METTL2B: variants seen among roughly 807,000 people sequenced by gnomAD.
The protein encoded by METTL2B is methyltransferase 2B, tRNA N3-cytidine.
Under a neutral mutation model 51.0 loss-of-function variants are expected in METTL2B, and 28 were observed. The ratio of observed to expected loss-of-function variants is 0.55; its 90% CI spans 0.41 to 0.75. The LOEUF is 0.75. Among genes scored for constraint, METTL2B ranks in the 30% least tolerant of loss-of-function variants. The probability of loss-of-function intolerance (pLI) is 0.00; values close to 1 mark genes in which losing one functional copy is unlikely to be tolerated. For synonymous variants in METTL2B, 128 were observed against 166.3 expected, an observed-to-expected ratio of 0.77 and a Z score of 1.77; for missense variants, 313 against 460.7, an observed-to-expected ratio of 0.68 and a Z score of 2.93.
chr7:128,489,863 C>G (rs1479035065), intron 5 of METTL2B, among the ~76,000 whole-genome samples: 1 of 151,742 alleles, frequency 6.6e-6, no homozygotes, highest in Admixed American at 6.6e-5. Flanking sequence ...CTCCTGACCT[C>G]GTGATCCGCC....
In METTL2B at chr7:128,479,402, A is replaced by G. The variant is rs370330757; in HGVS notation, c.447A>G (p.Glu149=). 25 of 1,614,250 alleles carry G rather than the reference A, an allele frequency of 1.5e-5. No homozygotes were observed. In the African/African-American group the frequency reaches 2.9e-4, roughly 19 times the overall value. The change falls in exon 3 of 9, where the codon GAA becomes GAG. Residue 149 remains glutamate, a synonymous_variant. Coordinates refer to ENST00000262432, the MANE Select transcript of METTL2B (RefSeq NM_018396.3). Reference sequence around the variant, plus strand: ...ACAAGTGTTCTTCGAAGAGCCTTGAACATAAAACACAGACACCTCCTGTGG... The same window carrying G: ...ACAAGTGTTCTTCGAAGAGCCTTGAGCATAAAACACAGACACCTCCTGTGG... ...EQHKCSSKSL[E]HKTQTPPVEE...
rs1422612111 is a variant in METTL2B at position 128,504,141 on chromosome 7, C to A, written c.*2225C>A. ...AATATATTACCAAATATATCCATCA[C>A]AAGTAGGAATACATGGAAACATTAA... On this transcript the variant is annotated 3_prime_UTR_variant, in exon 9 of 9. Coordinates refer to ENST00000262432, the MANE Select transcript of METTL2B (RefSeq NM_018396.3). The A allele has an allele frequency of 6.6e-6, 1 of 152,098 alleles. No homozygotes were observed. The highest frequency in any genetic ancestry group is 2.4e-5 in the African/African-American group (1 of 41,412). The allele number at this position is 152,098 out of a possible 1,614,324, so 9.4% of individuals were successfully genotyped here.
chr7:128,480,660 T>C lies in METTL2B; in HGVS notation c.572T>C (p.Val191Ala), dbSNP rs761751374. ...TYRILEVGCG[V>A]GNTVFPILQT... ...TTCTGTCTGCAGGTTGGCTGTGGTG[T>C]GGGAAACACAGTCTTTCCAATTTTA... is the stretch of plus-strand genomic sequence containing the variant. Residue 191 changes from valine (V) to alanine (A), a missense_variant, in exon 4 of 9, where the codon GTG becomes GCG. By Grantham distance (64) the Val-to-Ala change is moderately conservative. This residue lies in a region of METTL2B where 42 missense variants were observed against 113.4 expected (regional missense o/e 0.37). Transcript: ENST00000262432. 1.2e-6 allele frequency: 2 copies of C among 1,604,686 alleles called. No individual in the cohort carries two copies. Among genetic ancestry groups the C allele is most frequent in the East Asian group, 4.5e-5 (2 of 44,854 alleles).
intron 4 of METTL2B, among the ~76,000 whole-genome samples, chr7:128,486,128 T>C (rs1563028178): frequency 6.6e-6 from 1 of 151,932 alleles, no homozygotes; most frequent in Non-Finnish European, 1.5e-5. Context: ...ACCCCATCTT[T>C]ACTAAAAATA....
chr7:128,489,629 CT>C (rs71160655), intron 5 of METTL2B, among the ~76,000 whole-genome samples: 15 of 111,068 alleles, frequency 1.4e-4, no homozygotes, highest in East Asian at 2.8e-4. Flanking sequence ...CTGGCAATTT[CT>C]TTTTTTTTTT....
Position 128,482,866 on chromosome 7 carries a change from A to G in METTL2B, c.608+2170A>G, listed in dbSNP as rs187478225. 5.3e-3 allele frequency among the ~76,000 whole-genome samples: 807 copies of G among 152,320 alleles called. 3 individuals are homozygous for G. Among genetic ancestry groups the G allele is most frequent in the Non-Finnish European group, 7.1e-3 (486 of 68,032 alleles). On this transcript the variant is annotated intron_variant, in intron 4 of 8. Coordinates refer to ENST00000262432, the MANE Select transcript of METTL2B (RefSeq NM_018396.3). ...TGTTTTTAAACCCCTTGTGGAAATG[A>G]CATTCCAGTTCTGTATTCATTACTG...
At chr7:128,481,612 G>A (rs1326809535) in intron 4 of METTL2B, among the ~76,000 whole-genome samples, 1 of 152,192 alleles carries the variant, frequency 6.6e-6, no homozygotes, top group Non-Finnish European at 1.5e-5. Context: ...CCTAGCACAC[G>A]GATGTGTTCA....
intron 5 of METTL2B, among the ~76,000 whole-genome samples, chr7:128,493,088 C>T (rs1030545841): frequency 5.3e-5 from 8 of 152,126 alleles, no homozygotes; most frequent in Non-Finnish European, 1.0e-4. Flanking sequence ...ATTTTAAACG[C>T]AACTATTAGA....
intron 6 of METTL2B, among the ~76,000 whole-genome samples, chr7:128,497,524 C>T (rs1033135551): frequency 6.6e-6 from 1 of 152,148 alleles, no homozygotes; most frequent in African/African-American, 2.4e-5. Flanking sequence ...ACTCTGCCGC[C>T]CAGGCCGGAG....
At chr7:128,481,237 A>G (rs999483766) in intron 4 of METTL2B, among the ~76,000 whole-genome samples, 4 of 152,226 alleles carry the variant, frequency 2.6e-5, no homozygotes, top group Non-Finnish European at 4.4e-5. Context: ...GGTTTTTGCC[A>G]ACACTGACCA....
Position 128,501,972 on chromosome 7 carries a change from A to G in METTL2B, c.*56A>G. On this transcript the variant is annotated 3_prime_UTR_variant, in exon 9 of 9. Coordinates refer to ENST00000262432, the MANE Select transcript of METTL2B (RefSeq NM_018396.3). ...CGTTGTGTTTCCGAGCTTTTTTAAAAAAAAATTTGTAGCACCGGGCATGGT... is the reference window on the plus strand; with the variant it reads ...CGTTGTGTTTCCGAGCTTTTTTAAAGAAAAATTTGTAGCACCGGGCATGGT... The G allele has an allele frequency of 6.2e-7, 1 of 1,604,096 alleles. No individual in the cohort carries two copies.
intron 4 of METTL2B, chr7:128,484,232 T>TTTTTTGTTTTTTTTTTTTTGTTTTTTG (rs71160654): frequency 1.2e-5 from 1 of 83,558 alleles, no homozygotes; most frequent in African/African-American, 5.0e-5. Context: ...TTTTTTTTTT[T>TTTTTTGTTTTTTTTTTTTTGTTTTTTG]TTTTTTTTTT....
intron 7 of METTL2B, among the ~76,000 whole-genome samples, chr7:128,499,035 T>C (rs1292394518): frequency 2.0e-5 from 3 of 151,182 alleles, no homozygotes; most frequent in Non-Finnish European, 2.9e-5. Context: ...ACATAAATAA[T>C]TTTAAATGTG....
Position 128,488,167 on chromosome 7 carries a change from T to C in METTL2B, c.669+6T>C. 6.2e-7 allele frequency: 1 copy of C among 1,613,264 alleles called. No individual in the cohort carries two copies. The highest frequency in any genetic ancestry group is 8.5e-7 in the Non-Finnish European group (1 of 1,179,694). ...CAGCTATAGAACTGGTCCAGGTGAG[T>C]ACGATGGGAAATTACCTATTGGTAA... On this transcript the variant is annotated splice_donor_region_variant and intron_variant, in intron 5 of 8. Coordinates refer to ENST00000262432, the MANE Select transcript of METTL2B (RefSeq NM_018396.3).
intron 4 of METTL2B, among the ~76,000 whole-genome samples, chr7:128,482,741 C>T (rs1023145103): frequency 2.0e-5 from 3 of 152,270 alleles, no homozygotes; most frequent in African/African-American, 7.2e-5. Context: ...GCCGTGTCGG[C>T]TAGGCTGGTC....
At position 128,502,027 on chromosome 7, in the gene METTL2B, G is replaced by T; in HGVS notation, c.*111G>T. 17 of 1,496,068 alleles carry T rather than the reference G, an allele frequency of 1.1e-5. 1 individual carries two copies. In the South Asian group the frequency reaches 2.3e-4, roughly 20 times the overall value. 92.7% of individuals were successfully genotyped at this position (1,496,068 alleles called of 1,614,324 possible). ...GCCTGTAATCCCAGCCACTCAGGAG[G>T]CTGAGGCAGGGAGGATCCATTGAGC... On this transcript the variant is annotated 3_prime_UTR_variant, in exon 9 of 9. Transcript: ENST00000262432.
chr7:128,501,112 C>T (rs1294396368), intron 8 of METTL2B, 144 bp downstream of exon 8: 5 of 1,519,560 alleles, frequency 3.3e-6, no homozygotes. Context: ...CCCTCTTCCA[C>T]CCTGGGCTAG....
chr7:128,500,421 G>T (rs1178354024), intron 7 of METTL2B, among the ~76,000 whole-genome samples: 1 of 152,152 alleles, frequency 6.6e-6, no homozygotes, highest in Admixed American at 6.5e-5. Flanking sequence ...AGGAGTTTGA[G>T]ACCAGCCTAG....
intron 7 of METTL2B, among the ~76,000 whole-genome samples, chr7:128,499,045 G>A (rs1792978667): frequency 6.6e-6 from 1 of 151,588 alleles, no homozygotes; most frequent in Non-Finnish European, 1.5e-5. Flanking sequence ...TTTTAAATGT[G>A]GCATGACAAA....
Sources: gnomAD v4.1 joint callset for allele counts (sites outside exome capture counted in the v4.1 genomes callset) on GRCh38, gnomAD v4.1.1 for gene constraint, gnomAD v4.1.1 regional missense constraint, MANE v1.5 for transcripts, NCBI Gene and HGNC (gene_info 2026-07-23, HGNC 2026-07-21) for gene names.